PCDH17: variants seen among roughly 807,000 people sequenced by gnomAD.
PCDH17 encodes the protein protocadherin 17, also known as protocadherin-17.
Under a neutral mutation model 67.7 loss-of-function variants are expected in PCDH17, and 21 were observed. That is an observed-to-expected ratio of 0.31 (90% CI 0.22 to 0.45). The LOEUF (loss-of-function observed/expected upper bound fraction) is 0.45, where lower values mean the gene tolerates loss of function less well. Ranked by LOEUF, PCDH17 falls within the 20% of genes least tolerant of loss-of-function variation. The pLI, the probability that PCDH17 is intolerant of heterozygous loss-of-function variation, is 1.00. For synonymous variants in PCDH17, 701 were observed against 656.7 expected (o/e 1.07, Z -1.03); for missense variants, 1,471 against 1,564.8 (o/e 0.94, Z 1.01).
intron 1 of PCDH17, among the ~76,000 whole-genome samples, chr13:57,646,654 A>C (rs1192585933): frequency 1.3e-5 from 2 of 151,796 alleles, no homozygotes; most frequent in African/African-American, 4.8e-5. Context: ...AGAAAGAAGC[A>C]TAGAAATGTA....
At chr13:57,716,054 C>T (rs1237490210) in intron 3 of PCDH17, among the ~76,000 whole-genome samples, 1 of 151,786 alleles carries the variant, frequency 6.6e-6, no homozygotes, top group Non-Finnish European at 1.5e-5. Context: ...ATGCCTATTC[C>T]AGTGAATCAT....
chr13:57,711,782 A>G (rs9537781), intron 3 of PCDH17, among the ~76,000 whole-genome samples: 52,991 of 150,274 alleles, frequency 0.35, 10,246 homozygotes, highest in Middle Eastern at 0.55. Flanking sequence ...CAGAATAATA[A>G]TATTTTTACT....
intron 3 of PCDH17, among the ~76,000 whole-genome samples, chr13:57,720,559 T>C (rs1330830718): frequency 2.0e-5 from 3 of 152,068 alleles, no homozygotes; most frequent in Non-Finnish European, 4.4e-5. Flanking sequence ...CCTGATATTA[T>C]GAATATAGAA....
chr13:57,709,013 A>G (rs1789128927), intron 3 of PCDH17, among the ~76,000 whole-genome samples: 1 of 151,778 alleles, frequency 6.6e-6, no homozygotes, highest in Admixed American at 6.6e-5. Context: ...CAAAAGCAAG[A>G]ATATACCACA....
Position 57,695,754 on chromosome 13 carries a change from G to C in PCDH17, c.2798-28858G>C, listed in dbSNP as rs575566593. Among the ~76,000 whole-genome samples the C allele has an allele frequency of 2.6e-5, 4 of 151,346 alleles. No homozygotes were observed. In the East Asian group the frequency reaches 7.8e-4, roughly 29 times the overall value. On this transcript the variant is annotated intron_variant, in intron 3 of 3. Coordinates refer to ENST00000377918, the MANE Select transcript of PCDH17 (RefSeq NM_001040429.3). Reference sequence around the variant, plus strand: ...CTACCACGTCTCTACTTTATATTCAGCTCTTTACTTATATCATTTCTGTCC... The same window carrying C: ...CTACCACGTCTCTACTTTATATTCACCTCTTTACTTATATCATTTCTGTCC...
intron 1 of PCDH17, among the ~76,000 whole-genome samples, chr13:57,662,525 CAG>C (rs1955196419): frequency 6.6e-6 from 1 of 152,106 alleles, no homozygotes; most frequent in South Asian, 2.1e-4. Flanking sequence ...TTACTCCTCT[CAG>C]AGGAACTTAA....
intron 3 of PCDH17, among the ~76,000 whole-genome samples, chr13:57,676,087 T>C (rs893507079): frequency 6.6e-6 from 1 of 151,616 alleles, no homozygotes; most frequent in Non-Finnish European, 1.5e-5. Context: ...GGAATATTAA[T>C]TGAATTATTT....
chr13:57,721,232 G>C (rs1386080904), intron 3 of PCDH17, among the ~76,000 whole-genome samples: 1 of 152,070 alleles, frequency 6.6e-6, no homozygotes, highest in Admixed American at 6.6e-5. Context: ...GGGTGATCAT[G>C]TTATATTGAG....
chr13:57,653,439 A>G (rs776103933), intron 1 of PCDH17, among the ~76,000 whole-genome samples: 28 of 152,172 alleles, frequency 1.8e-4, no homozygotes, highest in Non-Finnish European at 4.0e-4. Flanking sequence ...CAGAAAAGCT[A>G]GATGAATCAT....
At chr13:57,698,155 T>C (rs1955628795) in intron 3 of PCDH17, among the ~76,000 whole-genome samples, 1 of 151,488 alleles carries the variant, frequency 6.6e-6, no homozygotes, top group African/African-American at 2.4e-5. Context: ...AATTATAACA[T>C]GTTCTGAATT....
At chr13:57,718,362 A>T (rs190478294) in intron 3 of PCDH17, among the ~76,000 whole-genome samples, 23 of 152,214 alleles carry the variant, frequency 1.5e-4, no homozygotes, top group African/African-American at 5.1e-4. Context: ...CAACTTACTT[A>T]TCCAGAACTG....
chr13:57,671,946 T>C (rs1955327522), intron 3 of PCDH17, among the ~76,000 whole-genome samples: 1 of 152,038 alleles, frequency 6.6e-6, no homozygotes, highest in Non-Finnish European at 1.5e-5. Context: ...TTCTAATTCT[T>C]TCTCATTTTT....
chr13:57,720,090 T>C (rs573835190), intron 3 of PCDH17, among the ~76,000 whole-genome samples: 7 of 152,060 alleles, frequency 4.6e-5, no homozygotes, highest in Admixed American at 1.3e-4. Flanking sequence ...CTCACATAGA[T>C]ATAATTTAGA....
chr13:57,653,154 TAATTTTATTA>T (rs1955062428), intron 1 of PCDH17, among the ~76,000 whole-genome samples: 2 of 152,130 alleles, frequency 1.3e-5, no homozygotes, highest in African/African-American at 2.4e-5. Flanking sequence ...TAAATTTATT[TAATTTTATTA>T]AATTTATTTA....
intron 3 of PCDH17, among the ~76,000 whole-genome samples, chr13:57,712,087 T>A (rs1358711741): frequency 6.6e-6 from 1 of 151,842 alleles, no homozygotes; most frequent in East Asian, 1.9e-4. Flanking sequence ...GTAGGTTTCC[T>A]TTGTGATCAT....
chr13:57,724,887 C>A lies in PCDH17; in HGVS notation c.3073C>A (p.Leu1025Met). The A allele has an allele frequency of 6.2e-7, 1 of 1,614,196 alleles. No homozygotes were observed. Among genetic ancestry groups the A allele is most frequent in the African/African-American group, 1.3e-5 (1 of 75,082 alleles). Residue 1025 changes from leucine to methionine, a missense_variant, in exon 4 of 4, where the codon CTG becomes ATG. Leu to Met is a conservative substitution (Grantham distance 15, BLOSUM62 2). Transcript: ENST00000377918. Reference sequence around the variant, plus strand: ...ACCTTATTTAAAAGCCAAACGTGCCCTGAGCCCTCTCCTCCAAGAGGTCCC... The same window carrying A: ...ACCTTATTTAAAAGCCAAACGTGCCATGAGCCCTCTCCTCCAAGAGGTCCC... ...VKPYLKAKRALSPLLQEVPSA... is the reference protein window; with the variant it reads ...VKPYLKAKRAMSPLLQEVPSA...
intron 1 of PCDH17, among the ~76,000 whole-genome samples, chr13:57,638,781 T>A (rs1954855670): frequency 6.6e-6 from 1 of 151,962 alleles, no homozygotes; most frequent in Admixed American, 6.6e-5. Context: ...AAACTCAATA[T>A]TGCAGAGTAA....
chr13:57,712,700 A>G (rs1211966522), intron 3 of PCDH17, among the ~76,000 whole-genome samples: 1 of 151,628 alleles, frequency 6.6e-6, no homozygotes, highest in Non-Finnish European at 1.5e-5. Flanking sequence ...ATTAATAAGA[A>G]AAACTCAAAT....
At chr13:57,722,609 A>G (rs1333726792) in intron 3 of PCDH17, among the ~76,000 whole-genome samples, 1 of 151,966 alleles carries the variant, frequency 6.6e-6, no homozygotes, top group African/African-American at 2.4e-5. Context: ...TTGCTTTTCT[A>G]TGTATTTATT....
Sources: gnomAD v4.1 joint callset for allele counts (sites outside exome capture counted in the v4.1 genomes callset) on GRCh38, gnomAD v4.1.1 for gene constraint, MANE v1.5 for transcripts, NCBI Gene and HGNC (gene_info 2026-07-23, HGNC 2026-07-21) for gene names.